The following MEX3C variants were observed in gnomAD, a reference collection of about 807,000 sequenced individuals.
The protein encoded by MEX3C is mex-3 RNA binding family member C, also known as RNA-binding E3 ubiquitin-protein ligase MEX3C.
MEX3C carries 15 observed loss-of-function variants against 35.5 expected under a neutral mutation model. The observed-to-expected ratio is 0.42, with a 90% CI of 0.28 to 0.65. MEX3C has a LOEUF of 0.65. MEX3C is among the 30% of genes least tolerant of loss of function. The probability of loss-of-function intolerance (pLI) is 0.20; values close to 1 mark genes in which losing one functional copy is unlikely to be tolerated. For missense variants in MEX3C, 711 were observed against 842.8 expected, an observed-to-expected ratio of 0.84 and a Z score of 1.94; for synonymous variants, 390 against 352.8, an observed-to-expected ratio of 1.11 and a Z score of -1.18.
In MEX3C at chr18:51,177,924, T is replaced by C. The variant is rs1424097938; in HGVS notation, c.755-348A>G. Among the ~76,000 whole-genome samples, 1 of 152,220 alleles carries C rather than the reference T, an allele frequency of 6.6e-6. No homozygotes were observed. The highest frequency in any genetic ancestry group is 2.4e-5 in the African/African-American group (1 of 41,448). ...CATGGCTAGTAGGTCATCTCACTTCTGCTCCCACCAGTTAAATTCTAGGCC... is the reference window on the plus strand; with the variant it reads ...CATGGCTAGTAGGTCATCTCACTTCCGCTCCCACCAGTTAAATTCTAGGCC... On this transcript the variant is annotated intron_variant, in intron 1 of 1. Coordinates refer to ENST00000406189, the MANE Select transcript of MEX3C (RefSeq NM_016626.5). This position sits in a 1 kb window ranked among gnomAD's most constrained non-coding sequence, Gnocchi z 4.2.
At chr18:51,185,881 G>A (rs1270059095) in intron 1 of MEX3C, among the ~76,000 whole-genome samples, 1 of 128,370 alleles carries the variant, frequency 7.8e-6, no homozygotes, top group East Asian at 2.1e-4. Flanking sequence ...GCAACATAGT[G>A]AGACCCCCCC....
rs530602218 is a variant in MEX3C at position 51,196,767 on chromosome 18, CCCGCCGCCGCCG to C, written c.542_553del (p.Ala181_Ala184del). On this transcript the variant is annotated inframe_deletion, in exon 1 of 2. Transcript: ENST00000406189. ...GGCATCGTCCCCTCCGTACAGCACC[CCCGCCGCCGCCG>C]CCGCGGCCGCCGCCTCCCGGGCATC... The C allele has an allele frequency of 6.7e-7, 1 of 1,486,408 alleles. No individual in the cohort carries two copies. The highest frequency in any genetic ancestry group is 1.5e-5 in the African/African-American group (1 of 68,846). The allele number at this position is 1,486,408 out of a possible 1,614,324, so 92.1% of individuals were successfully genotyped here. A position where few individuals can be genotyped will look rare whatever the true frequency, so the allele number is the denominator to read the frequency against.
intron 1 of MEX3C, among the ~76,000 whole-genome samples, chr18:51,189,634 G>GA (rs939449553): frequency 2.5e-4 from 38 of 152,088 alleles, no homozygotes; most frequent in African/African-American, 8.7e-4. Context: ...AAACCTGAAA[G>GA]AAAAAACCAG....
At chr18:51,191,879 A>G (rs1036558399) in intron 1 of MEX3C, among the ~76,000 whole-genome samples, 1 of 152,198 alleles carries the variant, frequency 6.6e-6, no homozygotes, top group Non-Finnish European at 1.5e-5. Context: ...AATATACCAC[A>G]GCTGAACAGA....
chr18:51,184,062 G>A (rs1912484063), intron 1 of MEX3C, among the ~76,000 whole-genome samples: 1 of 151,930 alleles, frequency 6.6e-6, no homozygotes, highest in African/African-American at 2.4e-5. Flanking sequence ...ATGTGCTCTG[G>A]CTAACCTGGA....
At chr18:51,195,549 A>G (rs1215168059) in intron 1 of MEX3C, 5 of 152,228 alleles carry the variant, frequency 3.3e-5, no homozygotes, top group Non-Finnish European at 5.9e-5. Context: ...ATTTGACCCC[A>G]ACAATGCTCT....
At chr18:51,193,237 C>T (rs565107822) in intron 1 of MEX3C, 40 of 152,172 alleles carry the variant, frequency 2.6e-4, no homozygotes, top group East Asian at 5.8e-4. Context: ...AAGCTAGAGA[C>T]GACTTTTCTA....
intron 1 of MEX3C, among the ~76,000 whole-genome samples, chr18:51,183,755 G>A (rs1912476786): frequency 1.3e-5 from 2 of 152,162 alleles, no homozygotes; most frequent in South Asian, 2.1e-4. Flanking sequence ...GAGGCCAGAG[G>A]ACTGCTTGAA....
intron 1 of MEX3C, among the ~76,000 whole-genome samples, chr18:51,178,693 T>A (rs2144547872): frequency 6.6e-6 from 1 of 151,742 alleles, no homozygotes; most frequent in South Asian, 2.1e-4. Flanking sequence ...AACCCCGTCT[T>A]TACTAAATAC....
At position 51,197,257 on chromosome 18, in the gene MEX3C, G is replaced by GCGGCTGCGGCAGGGGGGC. The variant is rs1268594775; in HGVS notation, c.46_63dup (p.Ala16_Pro21dup). The GCGGCTGCGGCAGGGGGGC allele has an allele frequency of 3.2e-6, 3 of 950,826 alleles. No individual in the cohort carries two copies. Among genetic ancestry groups the GCGGCTGCGGCAGGGGGGC allele is most frequent in the Non-Finnish European group, 3.7e-6 (3 of 800,988 alleles). 58.9% of individuals were successfully genotyped at this position (950,826 alleles called of 1,614,324 possible). ...GGCGGTGGCGGCGGCGGCGGCGGGG[G>GCGGCTGCGGCAGGGGGGC]CGGCTGCGGCAGGGGGGCCGGGGCC... is the stretch of plus-strand genomic sequence containing the variant. On this transcript the variant is annotated inframe_insertion, in exon 1 of 2. Coordinates refer to ENST00000406189, the MANE Select transcript of MEX3C (RefSeq NM_016626.5).
In MEX3C at chr18:51,177,352, T is replaced by A; in HGVS notation, c.979A>T (p.Thr327Ser). 1 of 1,613,972 alleles carries A rather than the reference T, an allele frequency of 6.2e-7. No individual in the cohort carries two copies. The highest frequency in any genetic ancestry group is 1.1e-5 in the South Asian group (1 of 91,076). The change falls in exon 2 of 2, where the codon ACC becomes TCC. Residue 327 changes from threonine (T) to serine (S), a missense_variant. Thr to Ser is a moderately conservative substitution (Grantham distance 58). This residue lies in a region of MEX3C where 83 missense variants were observed against 179.1 expected (regional missense o/e 0.46). Transcript: ENST00000406189. The surrounding 1 kb of genome is among the most constrained non-coding windows in gnomAD (Gnocchi z 4.2). ...LSCSPNLPGQ[T>S]TVQVRVPYRV... ...TAAGGGACCCTGACTTGGACGGTGGTTTGACCGGGCAGATTAGGACTACAT... is the reference window on the plus strand; with the variant it reads ...TAAGGGACCCTGACTTGGACGGTGGATTGACCGGGCAGATTAGGACTACAT...
In MEX3C at chr18:51,177,840, TTTAAC is replaced by T. The variant is rs746996546; in HGVS notation, c.755-269_755-265del. Among the ~76,000 whole-genome samples the T allele has an allele frequency of 6.6e-6, 1 of 152,198 alleles. No individual in the cohort carries two copies. The highest frequency in any genetic ancestry group is 1.5e-5 in the Non-Finnish European group (1 of 68,032). On this transcript the variant is annotated intron_variant, in intron 1 of 1. Transcript: ENST00000406189. The surrounding 1 kb of genome is among the most constrained non-coding windows in gnomAD (Gnocchi z 4.2). ...GACTTCCACCTAATTATCTTACCACTTTAACTTAACATTACTCTTTCCTCTGTAAA... is the reference window on the plus strand; with the variant it reads ...GACTTCCACCTAATTATCTTACCACTTTAACATTACTCTTTCCTCTGTAAA...
chr18:51,191,868 C>T (rs1912656848), intron 1 of MEX3C, among the ~76,000 whole-genome samples: 1 of 152,054 alleles, frequency 6.6e-6, no homozygotes, highest in South Asian at 2.1e-4. Context: ...TGGTTCTTTC[C>T]AATATACCAC....
In MEX3C at chr18:51,176,287, T is replaced by C. The variant is rs1381954927; in HGVS notation, c.*64A>G. On this transcript the variant is annotated 3_prime_UTR_variant, in exon 2 of 2. Coordinates refer to ENST00000406189, the MANE Select transcript of MEX3C (RefSeq NM_016626.5). The stretch of plus-strand genomic sequence containing the variant: ...AATCATTAGGAAGTTTACTGGGGGG[T>C]ACCATTATACCCATGCCTTTACGAG... 2.2e-6 allele frequency: 3 copies of C among 1,394,700 alleles called. No individual in the cohort carries two copies. In the East Asian group the frequency reaches 7.6e-5, roughly 35 times the overall value. 86.4% of individuals were successfully genotyped at this position (1,394,700 alleles called of 1,614,324 possible). A position where few individuals can be genotyped will look rare whatever the true frequency, so the allele number is the denominator to read the frequency against.
intron 1 of MEX3C, among the ~76,000 whole-genome samples, chr18:51,182,703 C>G (rs1029966994): frequency 1.3e-5 from 2 of 152,072 alleles, no homozygotes; most frequent in East Asian, 3.8e-4. Flanking sequence ...CTTTTCCTAG[C>G]CTTAGAAATT....
At chr18:51,192,048 T>C (rs1210298256) in intron 1 of MEX3C, among the ~76,000 whole-genome samples, 2 of 152,180 alleles carry the variant, frequency 1.3e-5, no homozygotes, top group African/African-American at 4.8e-5. Flanking sequence ...AACTAAATGC[T>C]ACCTTTCCTT....
intron 1 of MEX3C, among the ~76,000 whole-genome samples, chr18:51,182,549 G>C (rs1278530097): frequency 6.6e-6 from 1 of 152,166 alleles, no homozygotes; most frequent in Non-Finnish European, 1.5e-5. Flanking sequence ...CACTGGTGTA[G>C]GAACCCATTT....
In MEX3C at chr18:51,176,280, T is replaced by TG. The variant is rs529959641; in HGVS notation, c.*70dup. ...CATAAGAAATCATTAGGAAGTTTAC[T>TG]GGGGGGTACCATTATACCCATGCCT... On this transcript the variant is annotated 3_prime_UTR_variant, in exon 2 of 2. Transcript: ENST00000406189. 9 of 1,356,024 alleles carry TG rather than the reference T, an allele frequency of 6.6e-6. No individual in the cohort carries two copies. The highest frequency in any genetic ancestry group is 1.5e-5 in the African/African-American group (1 of 67,314). The allele number at this position is 1,356,024 out of a possible 1,614,324, so 84.0% of individuals were successfully genotyped here.
Position 51,176,665 on chromosome 18 carries a change from G to A in MEX3C, c.1666C>T (p.Leu556Phe), listed in dbSNP as rs1912311078. The change falls in exon 2 of 2, where the codon CTT (leucine) becomes TTT (phenylalanine). Residue 556 changes from leucine (L) to phenylalanine (F), a missense_variant. This residue lies in a region of MEX3C where 87 missense variants were observed against 150.4 expected (regional missense o/e 0.58). Coordinates refer to ENST00000406189, the MANE Select transcript of MEX3C (RefSeq NM_016626.5). ...GGGTCGCTCCTAACCCTCCGAGCAA[G>A]TGGATGTTCTATGCTCTCAGGAAAT... ...PTFPESIEHP[L>F]ARRVRSDPPS... The A allele has an allele frequency of 6.2e-7, 1 of 1,614,030 alleles. No individual in the cohort carries two copies. Among genetic ancestry groups the A allele is most frequent in the Non-Finnish European group, 8.5e-7 (1 of 1,179,890 alleles).
Sources: allele counts gnomAD v4.1 joint callset (sites outside exome capture counted in the v4.1 genomes callset), GRCh38; gene constraint gnomAD v4.1.1; regional missense constraint gnomAD v4.1.1; non-coding constraint Gnocchi (gnomAD v3.1); transcripts MANE v1.5; gene names NCBI Gene and HGNC (gene_info 2026-07-23, HGNC 2026-07-21).